Variants in LYN observed in about 807,000 individuals in gnomAD.
LYN encodes the protein LYN proto-oncogene, Src family tyrosine kinase, also known as tyrosine-protein kinase Lyn.
LYN carries 12 observed loss-of-function variants against 65.0 expected under a neutral mutation model. The ratio of observed to expected loss-of-function variants is 0.18; its 90% CI spans 0.12 to 0.30. The LOEUF is 0.30. Ranked by LOEUF, LYN falls within the 10% of genes least tolerant of loss-of-function variation. The pLI is 1.00. For synonymous variants in LYN, 222 were observed against 221.2 expected, an observed-to-expected ratio of 1.00 and a Z score of -0.03; for missense variants, 380 against 623.2, an observed-to-expected ratio of 0.61 and a Z score of 4.16.
intron 1 of LYN, among the ~76,000 whole-genome samples, chr8:55,881,529 C>CT (rs1804653057): frequency 6.6e-6 from 1 of 152,156 alleles, no homozygotes; most frequent in African/African-American, 2.4e-5. Context: ...CAGGTAAGCG[C>CT]TTTGAGGCCT....
intron 1 of LYN, among the ~76,000 whole-genome samples, chr8:55,915,350 T>G (rs997442686): frequency 5.9e-5 from 9 of 152,204 alleles, no homozygotes; most frequent in Non-Finnish European, 8.8e-5. Context: ...TTTATTAAAC[T>G]CTTTAAAAAA....
chr8:55,926,885 C>T (rs1357726048), intron 1 of LYN, among the ~76,000 whole-genome samples: 1 of 152,172 alleles, frequency 6.6e-6, no homozygotes, highest in African/African-American at 2.4e-5. Flanking sequence ...TTTTACTGCT[C>T]CTTGTGGAGC....
intron 1 of LYN, among the ~76,000 whole-genome samples, chr8:55,913,705 A>G (rs1363507711): frequency 6.6e-6 from 1 of 152,224 alleles, no homozygotes; most frequent in African/African-American, 2.4e-5. Context: ...TGAAATAAGC[A>G]CAGACGTGGA....
chr8:55,927,699 G>A (rs1806146379), intron 1 of LYN, among the ~76,000 whole-genome samples: 1 of 152,106 alleles, frequency 6.6e-6, no homozygotes, highest in Admixed American at 6.5e-5. Flanking sequence ...GCTGTGTGTG[G>A]TGGCGGGTGC....
At chr8:55,954,715 G>C (rs943999955) in intron 8 of LYN, among the ~76,000 whole-genome samples, 2 of 152,012 alleles carry the variant, frequency 1.3e-5, no homozygotes, top group African/African-American at 2.4e-5. Context: ...TGTGCCTGTA[G>C]TTCCAGCTAC....
intron 1 of LYN, among the ~76,000 whole-genome samples, chr8:55,906,609 A>G (rs6999495): frequency 0.91 from 137,610 of 151,942 alleles, 62,459 homozygotes; most frequent in East Asian, 0.98. Context: ...CACCTGTCTC[A>G]GCCTCCCAAA....
intron 1 of LYN, among the ~76,000 whole-genome samples, chr8:55,899,799 G>A (rs530016251): frequency 5.3e-5 from 8 of 152,210 alleles, no homozygotes; most frequent in African/African-American, 1.7e-4. Flanking sequence ...GCAGGCACAC[G>A]CCACCATGCC....
chr8:55,882,184 G>A (rs1804669770), intron 1 of LYN, among the ~76,000 whole-genome samples: 1 of 152,136 alleles, frequency 6.6e-6, no homozygotes, highest in African/African-American at 2.4e-5. Context: ...TGGTTAAGAT[G>A]TTTCCTGCAA....
chr8:55,977,122 T>C (rs1409643771), intron 10 of LYN, among the ~76,000 whole-genome samples: 9 of 151,992 alleles, frequency 5.9e-5, no homozygotes, highest in Non-Finnish European at 1.3e-4. Context: ...AAGGCGGAGA[T>C]TGCAGTGAGC....
chr8:55,997,030 G>A (rs1367419771), intron 10 of LYN, among the ~76,000 whole-genome samples: 1 of 151,902 alleles, frequency 6.6e-6, no homozygotes, highest in Non-Finnish European at 1.5e-5. Context: ...GCATGGTGGT[G>A]CGTGCCTGTA....
At chr8:55,929,395 C>T (rs1806198089) in intron 1 of LYN, among the ~76,000 whole-genome samples, 1 of 152,154 alleles carries the variant, frequency 6.6e-6, no homozygotes, top group Non-Finnish European at 1.5e-5. Context: ...GCTACCAGAT[C>T]TGTGTATGTG....
chr8:55,931,594 T>G (rs1271308447), intron 1 of LYN, among the ~76,000 whole-genome samples: 1 of 152,058 alleles, frequency 6.6e-6, no homozygotes, highest in Non-Finnish European at 1.5e-5. Context: ...TTCTATTCAT[T>G]TGTACCTTTT....
chr8:55,957,380 G>C (rs1010652939), intron 8 of LYN, among the ~76,000 whole-genome samples: 8 of 152,112 alleles, frequency 5.3e-5, no homozygotes, highest in African/African-American at 1.7e-4. Context: ...ACTTTCCTAT[G>C]GATATTTGCT....
At chr8:55,998,041 G>A (rs930344375) in intron 10 of LYN, among the ~76,000 whole-genome samples, 11 of 151,934 alleles carry the variant, frequency 7.2e-5, no homozygotes, top group South Asian at 2.1e-4. Context: ...CCAAGATAGC[G>A]CCACTGCACT....
chr8:55,965,902 A>G (rs1585647188), intron 8 of LYN, among the ~76,000 whole-genome samples: 1 of 152,134 alleles, frequency 6.6e-6, no homozygotes, highest in Non-Finnish European at 1.5e-5. Flanking sequence ...AGGCTGGCGG[A>G]TCACTTGAGG....
rs550249062 is a variant in LYN at position 55,967,062 on chromosome 8, A to G, written c.973+165A>G. Among the ~76,000 whole-genome samples the G allele has an allele frequency of 3.3e-5, 5 of 152,184 alleles. No individual in the cohort carries two copies. In the South Asian group the frequency reaches 6.2e-4, roughly 19 times the overall value. The stretch of plus-strand genomic sequence containing the variant: ...AAAGCAGTTTATAAACCTAATCACC[A>G]GAAGTAATCCATGTCACAGAATTGA... On this transcript the variant is annotated intron_variant, in intron 9 of 12. Coordinates refer to ENST00000519728, the MANE Select transcript of LYN (RefSeq NM_002350.4).
Position 55,887,603 on chromosome 8 carries a change from C to CAT in LYN, c.-6+7511_-6+7512dup, listed in dbSNP as rs1554573195. ...ACACACACACACACACACACACACACATATATATATATTTTTTTTTTCCTG... is the reference window on the plus strand; with the variant it reads ...ACACACACACACACACACACACACACATATATATATATATTTTTTTTTTCCTG... On this transcript the variant is annotated intron_variant, in intron 1 of 12. Transcript: ENST00000519728. Among the ~76,000 whole-genome samples the CAT allele has an allele frequency of 1.7e-3, 190 of 111,996 alleles. 4 individuals carry two copies. The highest frequency in any genetic ancestry group is 2.6e-3 in the South Asian group (9 of 3,504). 73.5% of individuals were successfully genotyped at this position (111,996 alleles called of 152,430 possible).
intron 1 of LYN, among the ~76,000 whole-genome samples, chr8:55,931,784 G>A (rs1360961732): frequency 6.6e-6 from 1 of 151,950 alleles, no homozygotes; most frequent in Non-Finnish European, 1.5e-5. Context: ...TTACCAGAAG[G>A]GCAATTTGAT....
In LYN at chr8:55,909,032, CACACACACACACACACACA is replaced by C. The variant is rs1442456533; in HGVS notation, c.-6+28930_-6+28948del. 2.5e-3 allele frequency among the ~76,000 whole-genome samples: 114 copies of C among 46,122 alleles called. 17 individuals carry two copies. Among genetic ancestry groups the C allele is most frequent in the South Asian group, 9.6e-3 (13 of 1,358 alleles). The allele number at this position is 46,122 out of a possible 152,430, so 30.3% of individuals were successfully genotyped here. A position where few individuals can be genotyped will look rare whatever the true frequency, so the allele number is the denominator to read the frequency against. Reference sequence around the variant, plus strand: ...ATATACACACACACACACACACACACACACACACACACACACACACCCCACATTTTCTTTACTTTTATTT... The same window carrying C: ...ATATACACACACACACACACACACACCCCCACATTTTCTTTACTTTTATTT... On this transcript the variant is annotated intron_variant, in intron 1 of 12. Transcript: ENST00000519728.
Sources: gnomAD v4.1 joint callset for allele counts (sites outside exome capture counted in the v4.1 genomes callset) on GRCh38, gnomAD v4.1.1 for gene constraint, MANE v1.5 for transcripts, NCBI Gene and HGNC (gene_info 2026-07-23, HGNC 2026-07-21) for gene names.